Variants in CCND3 observed in about 807,000 individuals in gnomAD.
CCND3 encodes cyclin D3, also known as G1/S-specific cyclin-D3.
A neutral mutation model predicts 28.7 loss-of-function variants in CCND3; 9 were observed. The observed-to-expected ratio is 0.31, with a 90% CI of 0.19 to 0.55. The LOEUF is 0.55. Among genes scored for constraint, CCND3 ranks in the 20% least tolerant of loss-of-function variants. CCND3 has a pLI of 0.93. For missense variants in CCND3, 315 were observed against 385.8 expected, an observed-to-expected ratio of 0.82 and a Z score of 1.54; for synonymous variants, 164 against 163.9, an observed-to-expected ratio of 1.00 and a Z score of 0.00.
chr6:42,025,627 C>T (rs76583279), intron 1 of CCND3, among the ~76,000 whole-genome samples: 1,985 of 152,298 alleles, frequency 0.013, 60 homozygotes, highest in African/African-American at 0.045. Flanking sequence ...CACTCTGGCC[C>T]ATCCTGCACC....
intron 1 of CCND3, among the ~76,000 whole-genome samples, chr6:41,954,250 T>TAAAAAA (rs34556754): frequency 0.044 from 1,554 of 35,074 alleles, 136 homozygotes; most frequent in Non-Finnish European, 0.059. Context: ...GATTCTGCCT[T>TAAAAAA]AAAAAAAAAA....
At chr6:42,031,997 G>A (rs936109538) in intron 1 of CCND3, among the ~76,000 whole-genome samples, 3 of 151,892 alleles carry the variant, frequency 2.0e-5, no homozygotes, top group East Asian at 1.9e-4. Context: ...CACCATGTTG[G>A]TCAGGCTGGT....
rs550501186 is a variant in CCND3, at chr6:42,005,787, G to A, written c.-46+42714C>T. Among the ~76,000 whole-genome samples the A allele has an allele frequency of 1.2e-4, 18 of 151,946 alleles. 1 individual carries two copies. In the South Asian group the frequency reaches 2.5e-3, roughly 21 times the overall value. ...CAATGTCCACCTCCCAGATTCAGGC[G>A]ATTCTCATGCCTCAGCCTCGCAAGC... is the stretch of plus-strand genomic sequence containing the variant. On this transcript the variant is annotated intron_variant, in intron 1 of 4. Transcript: ENST00000372988.
intron 1 of CCND3, among the ~76,000 whole-genome samples, chr6:41,985,244 A>G (rs949638036): frequency 4.6e-5 from 7 of 151,484 alleles, no homozygotes; most frequent in African/African-American, 1.7e-4. Context: ...GCCAATGTCA[A>G]GAAGCTTTCT....
At chr6:41,998,803 C>T (rs1254889443) in intron 1 of CCND3, among the ~76,000 whole-genome samples, 1 of 151,904 alleles carries the variant, frequency 6.6e-6, no homozygotes, top group Non-Finnish European at 1.5e-5. Context: ...CCTCAGCCTC[C>T]TGAGCAGCTG....
At chr6:42,034,730 G>A (rs1198418923) in intron 1 of CCND3, among the ~76,000 whole-genome samples, 8 of 151,820 alleles carry the variant, frequency 5.3e-5, no homozygotes, top group African/African-American at 1.9e-4. Context: ...CGGCCGCCTC[G>A]GCCTCCCAAA....
At chr6:41,987,073 G>A (rs1762500348) in intron 1 of CCND3, among the ~76,000 whole-genome samples, 1 of 152,018 alleles carries the variant, frequency 6.6e-6, no homozygotes, top group Non-Finnish European at 1.5e-5. Context: ...GCCAGAACAT[G>A]TCAATATCCT....
chr6:41,965,937 G>A (rs1761874529), intron 1 of CCND3, among the ~76,000 whole-genome samples: 1 of 152,038 alleles, frequency 6.6e-6, no homozygotes, highest in Non-Finnish European at 1.5e-5. Flanking sequence ...TAAATTTCTG[G>A]GAAGATTCTT....
chr6:41,978,721 C>T (rs1182795702), intron 1 of CCND3, among the ~76,000 whole-genome samples: 2 of 152,068 alleles, frequency 1.3e-5, no homozygotes, highest in Non-Finnish European at 2.9e-5. Context: ...CTGTTTTACA[C>T]CCAGAGAGAA....
intron 1 of CCND3, among the ~76,000 whole-genome samples, chr6:42,014,040 C>G (rs1268781416): frequency 1.4e-5 from 2 of 147,398 alleles, no homozygotes; most frequent in Non-Finnish European, 3.0e-5. Context: ...CCACTGCACT[C>G]CAGCCTGACA....
intron 1 of CCND3, among the ~76,000 whole-genome samples, chr6:41,959,233 G>A (rs532391975): frequency 6.6e-6 from 1 of 151,978 alleles, no homozygotes; most frequent in South Asian, 2.1e-4. Context: ...AGAATGGCTC[G>A]AAACCAGGAG....
chr6:42,044,956 C>CT lies in CCND3; in HGVS notation c.-46+3544_-46+3545insA, dbSNP rs1562002036. 6.1e-3 allele frequency among the ~76,000 whole-genome samples: 762 copies of CT among 123,910 alleles called. 45 individuals are homozygous for CT. Among genetic ancestry groups the CT allele is most frequent in the African/African-American group, 0.015 (477 of 32,176 alleles). 81.3% of individuals were successfully genotyped at this position (123,910 alleles called of 152,430 possible). On this transcript the variant is annotated intron_variant, in intron 1 of 4. Coordinates refer to the CCND3 transcript ENST00000372988. Reference sequence around the variant, plus strand: ...GGCCCGTGCGACCACGCCCGGCTAACGTTTTTTTTTTTTTTTTTTTTGTAT... The same window carrying CT: ...GGCCCGTGCGACCACGCCCGGCTAACTGTTTTTTTTTTTTTTTTTTTTGTAT...
rs548484871 is a variant in CCND3 at position 42,035,602 on chromosome 6, C to T, written c.-46+12899G>A. ...CAGGATGGTCTCGATCTCCTGACCTCGTGATCCGCCCACCTCAGCCTCCCA... is the reference window on the plus strand; with the variant it reads ...CAGGATGGTCTCGATCTCCTGACCTTGTGATCCGCCCACCTCAGCCTCCCA... On this transcript the variant is annotated intron_variant, in intron 1 of 4. Coordinates refer to the CCND3 transcript ENST00000372988. Among the ~76,000 whole-genome samples the T allele has an allele frequency of 4.6e-5, 7 of 151,282 alleles. No homozygotes were observed. The South Asian group carries it at 1.3e-3, about 27-fold the overall frequency.
chr6:42,047,673 T>C (rs951103053), intron 1 of CCND3, among the ~76,000 whole-genome samples: 1 of 152,210 alleles, frequency 6.6e-6, no homozygotes, highest in Non-Finnish European at 1.5e-5. Flanking sequence ...CCTTGATGGT[T>C]AGACAGTGGA....
At chr6:42,021,003 C>T (rs570863498) in intron 1 of CCND3, among the ~76,000 whole-genome samples, 2 of 152,326 alleles carry the variant, frequency 1.3e-5, no homozygotes, top group Admixed American at 6.5e-5. Context: ...CCGCGTGCCT[C>T]GGCTTCCCAA....
chr6:41,944,514 T>C (rs2479718), upstream of CCND3, among the ~76,000 whole-genome samples: 122,434 of 151,944 alleles, frequency 0.81, 50,036 homozygotes, highest in African/African-American at 0.94. Flanking sequence ...CTCTGCCTCC[T>C]GGTTTCAAGT....
chr6:41,943,230 A>G (rs899903105), upstream of CCND3, among the ~76,000 whole-genome samples: 2 of 152,222 alleles, frequency 1.3e-5, no homozygotes, highest in African/African-American at 2.4e-5. Flanking sequence ...TTTACATTGT[A>G]GAAAACTTCA....
At chr6:42,024,998 C>T (rs1405939541) in intron 1 of CCND3, among the ~76,000 whole-genome samples, 2 of 152,108 alleles carry the variant, frequency 1.3e-5, no homozygotes, top group African/African-American at 4.8e-5. Context: ...GTGGAGGTTG[C>T]AGTGAGACGA....
chr6:42,001,121 G>C (rs1431898176), intron 1 of CCND3, among the ~76,000 whole-genome samples: 1 of 150,088 alleles, frequency 6.7e-6, no homozygotes, highest in Non-Finnish European at 1.5e-5. Context: ...TGTAGTCCCA[G>C]CTACTGGGGA....
Sources: gnomAD v4.1 joint callset for allele counts (sites outside exome capture counted in the v4.1 genomes callset) on GRCh38, gnomAD v4.1.1 for gene constraint, MANE v1.5 for transcripts, NCBI Gene and HGNC (gene_info 2026-07-23, HGNC 2026-07-21) for gene names.